SFSWAP: variants seen among roughly 807,000 people sequenced by gnomAD.
SFSWAP encodes the protein splicing factor SWAP, also known as splicing factor, suppressor of white-apricot homolog.
In SFSWAP, 17 loss-of-function variants were observed where a neutral mutation model predicts 100.7. That is an observed-to-expected ratio of 0.17 (90% CI 0.12 to 0.25). SFSWAP has a LOEUF of 0.25. Ranked by LOEUF, SFSWAP falls within the 10% of genes least tolerant of loss-of-function variation. The probability of loss-of-function intolerance (pLI) is 1.00; values close to 1 mark genes in which losing one functional copy is unlikely to be tolerated. For synonymous variants in SFSWAP, 504 were observed against 510.1 expected (o/e 0.99, Z 0.16); for missense variants, 1,005 against 1,262.6 (o/e 0.80, Z 3.09).
At chr12:131,735,592 T>C (rs1879930338) in intron 7 of SFSWAP, among the ~76,000 whole-genome samples, 1 of 152,202 alleles carries the variant, frequency 6.6e-6, no homozygotes, top group Admixed American at 6.5e-5. Context: ...TAAAAACAGG[T>C]CTACACATGC....
At position 131,753,371 on chromosome 12, in the gene SFSWAP, C is replaced by T. The variant is rs1482588634; in HGVS notation, c.1322+8C>T. 1 of 1,608,558 alleles carries T rather than the reference C, an allele frequency of 6.2e-7. No homozygotes were observed. The highest frequency in any genetic ancestry group is 1.3e-5 in the African/African-American group (1 of 74,848). On this transcript the variant is annotated splice_region_variant and intron_variant, in intron 8 of 17. Coordinates refer to ENST00000261674, the MANE Select transcript of SFSWAP (RefSeq NM_004592.4). ...CACAACCACCACCACAAGGTAGGTG[C>T]AGCGTCCACCGCTGCCTGCTGTGTG...
chr12:131,726,264 C>T (rs954896617), intron 5 of SFSWAP, among the ~76,000 whole-genome samples: 8 of 151,944 alleles, frequency 5.3e-5, no homozygotes, highest in African/African-American at 9.7e-5. Flanking sequence ...AGTGCAATGG[C>T]GTGAGCGCGA....
At chr12:131,786,816 G>A (rs1261366362) in intron 15 of SFSWAP, among the ~76,000 whole-genome samples, 1 of 152,158 alleles carries the variant, frequency 6.6e-6, no homozygotes, top group African/African-American at 2.4e-5. Flanking sequence ...CCGGGGCTCT[G>A]CACGGCCTGG....
chr12:131,793,700 CA>C (rs2136280286), intron 15 of SFSWAP, among the ~76,000 whole-genome samples: 1 of 152,206 alleles, frequency 6.6e-6, no homozygotes, highest in Non-Finnish European at 1.5e-5. Context: ...GTGTCTCTGA[CA>C]AAAGCCTGTG....
intron 11 of SFSWAP, among the ~76,000 whole-genome samples, chr12:131,758,710 GCCAGGGCAGGCAGATCACTTGAGT>G (rs1363598303): frequency 6.6e-6 from 1 of 152,198 alleles, no homozygotes; most frequent in Non-Finnish European, 1.5e-5. Context: ...ACATAGGGAG[GCCAGGGCAGGCAGATCACTTGAGT>G]CCAGGAATTC....
At chr12:131,742,635 T>C (rs2136210341) in intron 7 of SFSWAP, among the ~76,000 whole-genome samples, 1 of 101,678 alleles carries the variant, frequency 9.8e-6, no homozygotes, top group East Asian at 2.0e-4. Flanking sequence ...TTGGGGGACT[T>C]TTTTTTTTTT....
At chr12:131,744,103 G>A (rs971078595) in intron 7 of SFSWAP, among the ~76,000 whole-genome samples, 5 of 152,226 alleles carry the variant, frequency 3.3e-5, no homozygotes, top group Non-Finnish European at 7.3e-5. Context: ...CCAGGCCTGT[G>A]ATGGGAGGGG....
intron 12 of SFSWAP, among the ~76,000 whole-genome samples, chr12:131,764,914 C>T (rs1882982715): frequency 6.6e-6 from 1 of 152,218 alleles, no homozygotes; most frequent in Non-Finnish European, 1.5e-5. Flanking sequence ...AGTTTGTTTT[C>T]GAAGAAACTG....
Position 131,799,543 on chromosome 12 carries a change from A to C in SFSWAP, c.*55A>C. 1 of 1,507,364 alleles carries C rather than the reference A, an allele frequency of 6.6e-7. No homozygotes were observed. Among genetic ancestry groups the C allele is most frequent in the East Asian group, 2.3e-5 (1 of 43,656 alleles). The allele number at this position is 1,507,364 out of a possible 1,614,324, so 93.4% of individuals were successfully genotyped here. On this transcript the variant is annotated 3_prime_UTR_variant, in exon 18 of 18. Coordinates refer to ENST00000261674, the MANE Select transcript of SFSWAP (RefSeq NM_004592.4). The stretch of plus-strand genomic sequence containing the variant: ...GCTGCGTGGGCTTCTGGGCAGGCTC[A>C]CGCAGACGCCGGCCACACCATCCAC...
chr12:131,753,695 C>G (rs1881879865), intron 8 of SFSWAP, among the ~76,000 whole-genome samples: 1 of 152,224 alleles, frequency 6.6e-6, no homozygotes, highest in African/African-American at 2.4e-5. Context: ...TGCAGTGAAG[C>G]TGCAGTTGTT....
In SFSWAP at chr12:131,728,338, C is replaced by T. The variant is rs754014252; in HGVS notation, c.991C>T (p.Arg331Cys). The T allele has an allele frequency of 1.2e-6, 2 of 1,614,202 alleles. No individual in the cohort carries two copies. The highest frequency in any genetic ancestry group is 8.5e-7 in the Non-Finnish European group (1 of 1,180,030). ...DPDHPLAALV[R>C]KAQADSSTPT... Reference sequence around the variant, plus strand: ...AGATCATCCCCTCGCAGCACTTGTTCGTAAGGCACAGGCTGACAGTTCCAC... The same window carrying T: ...AGATCATCCCCTCGCAGCACTTGTTTGTAAGGCACAGGCTGACAGTTCCAC... Residue 331 changes from arginine (R) to cysteine (C), a missense_variant, in exon 7 of 18, where the codon CGT (arginine) becomes TGT (cysteine). Around this residue, in one of 7 missense-constraint regions of SFSWAP, gnomAD observed 22 missense variants for 52.6 expected, o/e 0.42. Transcript: ENST00000261674.
At chr12:131,713,423 T>C (rs146466457) in intron 1 of SFSWAP, 6 of 152,398 alleles carry the variant, frequency 3.9e-5, no homozygotes, top group African/African-American at 1.4e-4. Flanking sequence ...AGTTTTGCTC[T>C]GTTCCCAGTG....
rs1802607 is a variant in SFSWAP, at chr12:131,766,295, C to A, written c.2129C>A (p.Pro710His). 20 of 1,613,912 alleles carry A rather than the reference C, an allele frequency of 1.2e-5. No homozygotes were observed. In the Admixed American group the frequency reaches 3.3e-4, roughly 27 times the overall value. Reference sequence around the variant, plus strand: ...GAAGCTGGGAAAATTGAGGAGAGTCCTTTCAGTGTCGAGGTATAGTAAAAT... The same window carrying A: ...GAAGCTGGGAAAATTGAGGAGAGTCATTTCAGTGTCGAGGTATAGTAAAAT... ...EAEAGKIEES[P>H]FSVEESSTTP... The change falls in exon 13 of 18, where the codon CCT (proline) becomes CAT (histidine). Residue 710 changes from proline (P) to histidine (H), a missense_variant. Pro to His is a moderately conservative substitution (Grantham distance 77). Transcript: ENST00000261674.
At position 131,734,057 on chromosome 12, in the gene SFSWAP, C is replaced by A. The variant is rs1194748098; in HGVS notation, c.1081+5629C>A. Among the ~76,000 whole-genome samples the A allele has an allele frequency of 1.3e-5, 2 of 152,212 alleles. No individual in the cohort carries two copies. Among genetic ancestry groups the A allele is most frequent in the Admixed American group, 6.5e-5 (1 of 15,294 alleles). ...TCTTCTGTCCTAGGTGAGTGCCCACCCTGTGGCACTGAGACCCAACAGCTC... is the reference window on the plus strand; with the variant it reads ...TCTTCTGTCCTAGGTGAGTGCCCACACTGTGGCACTGAGACCCAACAGCTC... On this transcript the variant is annotated intron_variant, in intron 7 of 17. Transcript: ENST00000261674. The surrounding 1 kb of genome is among the most constrained non-coding windows in gnomAD (Gnocchi z 4.9).
At position 131,711,394 on chromosome 12, in the gene SFSWAP, A is replaced by G; in HGVS notation, c.165A>G (p.Glu55=). 6.2e-7 allele frequency: 1 copy of G among 1,613,854 alleles called. No individual in the cohort carries two copies. Among genetic ancestry groups the G allele is most frequent in the African/African-American group, 1.3e-5 (1 of 75,054 alleles). Residue 55 remains glutamate (E), a synonymous_variant, in exon 1 of 18, where the codon GAA becomes GAG. Transcript: ENST00000261674. The surrounding 1 kb of genome is among the most constrained non-coding windows in gnomAD (Gnocchi z 4.9). Reference sequence around the variant, plus strand: ...ACGACGAGCGGGCCCTGGCTCAGGAACAGGGACAGCACCTCATCCCCTGGA... The same window carrying G: ...ACGACGAGCGGGCCCTGGCTCAGGAGCAGGGACAGCACCTCATCCCCTGGA... The part of the protein sequence containing the change: ...FRDDERALAQ[E]QGQHLIPWMG...
chr12:131,785,345 G>A (rs1322674179), intron 14 of SFSWAP: 7 of 940,540 alleles, frequency 7.4e-6, no homozygotes, highest in South Asian at 3.3e-5. Flanking sequence ...CCAGGATGCC[G>A]GGGTCTGAGT....
intron 3 of SFSWAP, among the ~76,000 whole-genome samples, chr12:131,717,463 A>G (rs562470268): frequency 1.4e-4 from 22 of 152,288 alleles, no homozygotes; most frequent in African/African-American, 5.3e-4. Context: ...TTTTTAAACA[A>G]AAGGTTATTT....
chr12:131,776,923 T>TGTG (rs1397472372), intron 13 of SFSWAP, among the ~76,000 whole-genome samples: 1 of 152,362 alleles, frequency 6.6e-6, no homozygotes, highest in Admixed American at 6.5e-5. Flanking sequence ...TCCGATGCGC[T>TGTG]GTGGTGGAAA....
intron 15 of SFSWAP, among the ~76,000 whole-genome samples, chr12:131,792,499 T>C (rs546337581): frequency 6.7e-6 from 1 of 148,640 alleles, no homozygotes; most frequent in East Asian, 2.0e-4. Context: ...CACAGACCAG[T>C]ACTGTGTGTG....
Sources: allele counts gnomAD v4.1 joint callset (sites outside exome capture counted in the v4.1 genomes callset), GRCh38; gene constraint gnomAD v4.1.1; regional missense constraint gnomAD v4.1.1; non-coding constraint Gnocchi (gnomAD v3.1); transcripts MANE v1.5; gene names NCBI Gene and HGNC (gene_info 2026-07-23, HGNC 2026-07-21).